KCND2: variants seen among roughly 807,000 people sequenced by gnomAD.
KCND2 encodes the protein potassium voltage-gated channel subfamily D member 2.
A neutral mutation model predicts 54.4 loss-of-function variants in KCND2; 16 were observed. That is an observed-to-expected ratio of 0.29 (90% CI 0.20 to 0.45). The LOEUF is 0.45. Ranked by LOEUF, KCND2 falls within the 20% of genes least tolerant of loss-of-function variation. KCND2 has a pLI of 1.00. For missense variants in KCND2, 486 were observed against 824.2 expected, an observed-to-expected ratio of 0.59 and a Z score of 5.02; for synonymous variants, 317 against 310.7, an observed-to-expected ratio of 1.02 and a Z score of -0.21.
At chr7:120,451,509 T>C (rs1802107725) in intron 1 of KCND2, among the ~76,000 whole-genome samples, 1 of 152,196 alleles carries the variant, frequency 6.6e-6, no homozygotes, top group African/African-American at 2.4e-5. Context: ...GGACAGGCAC[T>C]GTACTAGGCC....
chr7:120,534,942 G>C (rs182139737), intron 1 of KCND2, among the ~76,000 whole-genome samples: 1 of 152,238 alleles, frequency 6.6e-6, no homozygotes, highest in Admixed American at 6.5e-5. Context: ...GGTTAAAGAA[G>C]AATGTATTCT....
intron 1 of KCND2, among the ~76,000 whole-genome samples, chr7:120,309,917 C>T (rs1377262161): frequency 6.6e-6 from 1 of 152,150 alleles, no homozygotes; most frequent in Non-Finnish European, 1.5e-5. Flanking sequence ...TAATGATTTG[C>T]CTTTACACAC....
chr7:120,683,987 A>G (rs1306182330), intron 1 of KCND2, among the ~76,000 whole-genome samples: 6 of 152,064 alleles, frequency 3.9e-5, no homozygotes, highest in Non-Finnish European at 2.9e-5. Context: ...TTTTCTTTTT[A>G]ATGATTCTCT....
chr7:120,289,201 T>C (rs1012844195), intron 1 of KCND2, among the ~76,000 whole-genome samples: 1 of 152,094 alleles, frequency 6.6e-6, no homozygotes, highest in African/African-American at 2.4e-5. Context: ...GCCCCTATTC[T>C]GTAGCAGGCA....
chr7:120,335,526 G>A (rs924043778), intron 1 of KCND2, among the ~76,000 whole-genome samples: 1 of 146,264 alleles, frequency 6.8e-6, no homozygotes, highest in Non-Finnish European at 1.5e-5. Context: ...TCGCTCTGTC[G>A]CCCAGGCTGG....
chr7:120,549,924 T>A (rs1792085803), intron 1 of KCND2, among the ~76,000 whole-genome samples: 1 of 152,160 alleles, frequency 6.6e-6, no homozygotes, highest in African/African-American at 2.4e-5. Flanking sequence ...TCAGATTTTT[T>A]AATAGTATTA....
At chr7:120,329,721 C>T (rs548742958) in intron 1 of KCND2, among the ~76,000 whole-genome samples, 52 of 152,198 alleles carry the variant, frequency 3.4e-4, no homozygotes, top group African/African-American at 1.2e-3. Context: ...AAAATTCTTT[C>T]AAACTACCCT....
intron 1 of KCND2, among the ~76,000 whole-genome samples, chr7:120,405,551 A>G (rs1010505246): frequency 6.6e-6 from 1 of 152,174 alleles, no homozygotes; most frequent in Non-Finnish European, 1.5e-5. Context: ...GAGATAACAC[A>G]TTTCCATGTA....
At chr7:120,339,146 C>T (rs532834693) in intron 1 of KCND2, among the ~76,000 whole-genome samples, 3 of 151,710 alleles carry the variant, frequency 2.0e-5, no homozygotes, top group Non-Finnish European at 4.4e-5. Context: ...CTGCCTCAGC[C>T]TCCCAAAGTG....
intron 1 of KCND2, among the ~76,000 whole-genome samples, chr7:120,495,733 A>C (rs2116308462): frequency 6.6e-6 from 1 of 152,308 alleles, no homozygotes; most frequent in East Asian, 1.9e-4. Context: ...AGAAAGGTGA[A>C]GACAACAGTT....
At chr7:120,290,163 A>G (rs1391094078) in intron 1 of KCND2, among the ~76,000 whole-genome samples, 1 of 152,008 alleles carries the variant, frequency 6.6e-6, no homozygotes, top group Admixed American at 6.6e-5. Flanking sequence ...TGGATGCTGA[A>G]TAAAGATTTT....
intron 2 of KCND2, among the ~76,000 whole-genome samples, chr7:120,737,264 G>T (rs1454604422): frequency 6.6e-6 from 1 of 151,916 alleles, no homozygotes; most frequent in Non-Finnish European, 1.5e-5. Context: ...CAAAATCAAA[G>T]ATTTTTATTT....
chr7:120,686,423 T>C (rs1200841084), intron 1 of KCND2, among the ~76,000 whole-genome samples: 8 of 152,190 alleles, frequency 5.3e-5, no homozygotes, highest in Admixed American at 5.2e-4. Context: ...GAAATCCTAC[T>C]GTTAGCAGCA....
intron 1 of KCND2, among the ~76,000 whole-genome samples, chr7:120,340,345 G>A (rs887882385): frequency 1.3e-5 from 2 of 152,218 alleles, no homozygotes; most frequent in African/African-American, 2.4e-5. Context: ...TATGAGAGAA[G>A]GGAAAGATCT....
At chr7:120,583,180 G>A (rs934306481) in intron 1 of KCND2, among the ~76,000 whole-genome samples, 2 of 151,800 alleles carry the variant, frequency 1.3e-5, no homozygotes, top group African/African-American at 2.4e-5. Flanking sequence ...GGAATACAGC[G>A]TAGCTCTTTA....
chr7:120,737,708 C>G (rs1003297752), intron 2 of KCND2, among the ~76,000 whole-genome samples: 3 of 151,894 alleles, frequency 2.0e-5, no homozygotes, highest in Admixed American at 6.6e-5. Flanking sequence ...ACTATGTTAC[C>G]TCAAACTGAG....
chr7:120,719,044 C>A (rs1307661134), intron 1 of KCND2, among the ~76,000 whole-genome samples: 2 of 152,020 alleles, frequency 1.3e-5, no homozygotes, highest in African/African-American at 2.4e-5. Flanking sequence ...AAGTTTCCAA[C>A]TCCCTATAGA....
chr7:120,549,445 C>T (rs1216621778), intron 1 of KCND2, among the ~76,000 whole-genome samples: 1 of 152,114 alleles, frequency 6.6e-6, no homozygotes, highest in African/African-American at 2.4e-5. Flanking sequence ...AGCATAATAA[C>T]ACATTCCTGC....
At chr7:120,378,431 A>G (rs956683919) in intron 1 of KCND2, among the ~76,000 whole-genome samples, 2 of 151,952 alleles carry the variant, frequency 1.3e-5, no homozygotes, top group Non-Finnish European at 2.9e-5. Flanking sequence ...CTCAGGTGGA[A>G]GTTTTTTTTC....
Sources: allele counts gnomAD v4.1 joint callset (sites outside exome capture counted in the v4.1 genomes callset), GRCh38; gene constraint gnomAD v4.1.1; transcripts MANE v1.5; gene names NCBI Gene and HGNC (gene_info 2026-07-23, HGNC 2026-07-21).